Variants in PRKX observed in about 807,000 individuals in gnomAD.
PRKX encodes the protein cAMP-dependent protein kinase catalytic subunit PRKX.
Under a neutral mutation model 22.0 loss-of-function variants are expected in PRKX, and 12 were observed. That is an observed-to-expected ratio of 0.54 (90% confidence interval 0.35 to 0.88). PRKX has a LOEUF of 0.88. Ranked by LOEUF, PRKX falls within the 40% of genes least tolerant of loss-of-function variation. PRKX has a pLI of 0.01. For synonymous variants in PRKX, 134 were observed against 137.7 expected (o/e 0.97, Z 0.19); for missense variants, 217 against 308.0 (o/e 0.70, Z 2.21).
At chrX:3,705,498 G>A (rs1569065794) in intron 1 of PRKX, among the ~76,000 whole-genome samples, 1 of 111,083 alleles carries the variant, frequency 9.0e-6, no homozygotes, top group East Asian at 2.9e-4. Flanking sequence ...AGGCCACCTG[G>A]AGAAACAGGC....
chrX:3,613,852 CTCA>C (rs1172873718), intron 7 of PRKX, among the ~76,000 whole-genome samples: 1 of 18,590 alleles, frequency 5.4e-5, no homozygotes, highest in Non-Finnish European at 8.2e-5. Context: ...GAGACTCCAT[CTCA>C]AAAAAAAAAA....
intron 1 of PRKX, among the ~76,000 whole-genome samples, chrX:3,698,738 G>A (rs375720020): frequency 2.0e-4 from 22 of 108,907 alleles, no homozygotes; most frequent in African/African-American, 7.0e-4. Flanking sequence ...ACAGATGCCC[G>A]CCACCACACA....
intron 6 of PRKX, among the ~76,000 whole-genome samples, chrX:3,618,761 C>CT (rs1327479760): frequency 1.1e-4 from 12 of 111,594 alleles, no homozygotes; most frequent in African/African-American, 3.9e-4. Context: ...GAAACTTGTT[C>CT]TTCCCCCTTG....
chrX:3,681,194 C>A (rs1222174325), intron 1 of PRKX, among the ~76,000 whole-genome samples: 1 of 111,738 alleles, frequency 8.9e-6, no homozygotes, highest in Non-Finnish European at 1.9e-5. Context: ...CCAGCCTGGG[C>A]AACATGGTGA....
chrX:3,618,080 AG>A (rs1488420825), intron 6 of PRKX, among the ~76,000 whole-genome samples: 6,194 of 102,677 alleles, frequency 0.06, 177 homozygotes, highest in Middle Eastern at 0.11. Context: ...AGAGAGAGAG[AG>A]AGAGAAATAA....
intron 1 of PRKX, among the ~76,000 whole-genome samples, chrX:3,695,839 CA>C (rs1440296871): frequency 1.8e-5 from 2 of 111,817 alleles, no homozygotes; most frequent in African/African-American, 6.5e-5. Context: ...AAGAATGACA[CA>C]TCAGAAAGAG....
chrX:3,647,226 A>C (rs1388087979), intron 3 of PRKX, among the ~76,000 whole-genome samples: 1 of 108,020 alleles, frequency 9.3e-6, no homozygotes, highest in Non-Finnish European at 1.9e-5. Flanking sequence ...ATATTTATAA[A>C]ATTATATATA....
chrX:3,674,572 G>C (rs1451927858), intron 2 of PRKX, 26 bp downstream of exon 2: 1 of 1,207,438 alleles, frequency 8.3e-7, no homozygotes. Flanking sequence ...AGAGTGCGTG[G>C]GGAGAGGCTT....
chrX:3,640,275 G>A (rs371737759), intron 4 of PRKX, among the ~76,000 whole-genome samples: 4 of 110,333 alleles, frequency 3.6e-5, no homozygotes, highest in African/African-American at 1.3e-4. Context: ...CTGGGCCCTC[G>A]CTGGCTGGGC....
rs770166985 is a variant in PRKX at position 3,689,697 on chromosome X, G to T, written c.167-14931C>A. Among the ~76,000 whole-genome samples the T allele has an allele frequency of 2.0e-4, 22 of 111,620 alleles. 2 individuals carry two copies. The highest frequency in any genetic ancestry group is 1.7e-3 in the Admixed American group (18 of 10,482). Reference sequence around the variant, plus strand: ...TCTGTCTCAAAAAATGAATGAATGGGCTGGGCGCGGTGGCTCACACCTGTA... The same window carrying T: ...TCTGTCTCAAAAAATGAATGAATGGTCTGGGCGCGGTGGCTCACACCTGTA... On this transcript the variant is annotated intron_variant, in intron 1 of 8. Coordinates refer to ENST00000262848, the MANE Select transcript of PRKX (RefSeq NM_005044.5).
At chrX:3,650,647 G>A (rs994018298) in intron 3 of PRKX, among the ~76,000 whole-genome samples, 6 of 110,010 alleles carry the variant, frequency 5.5e-5, no homozygotes, top group South Asian at 3.9e-4. Context: ...GGAAGGTCGC[G>A]GCAGGTGGAT....
chrX:3,685,163 G>A (rs918894216), intron 1 of PRKX, among the ~76,000 whole-genome samples: 2 of 106,592 alleles, frequency 1.9e-5, no homozygotes, highest in African/African-American at 7.3e-5. Context: ...TCCTTCCTGA[G>A]GATAAACCCA....
At chrX:3,628,243 T>C (rs113397826) in intron 4 of PRKX, among the ~76,000 whole-genome samples, 15 of 110,735 alleles carry the variant, frequency 1.4e-4, no homozygotes, top group African/African-American at 4.9e-4. Flanking sequence ...TACTAGACGC[T>C]GGGAAGGGAA....
At chrX:3,640,616 C>A (rs1346173841) in intron 4 of PRKX, among the ~76,000 whole-genome samples, 1 of 111,663 alleles carries the variant, frequency 9.0e-6, no homozygotes, top group Admixed American at 9.6e-5. Context: ...TCCTGACTTC[C>A]AAATCTCACC....
At chrX:3,620,938 AAAAAT>A (rs757884938) in intron 6 of PRKX, among the ~76,000 whole-genome samples, 27 of 111,716 alleles carry the variant, frequency 2.4e-4, no homozygotes, top group South Asian at 1.1e-3. Context: ...AAACTGTTTA[AAAAAT>A]AAAATAAATA....
chrX:3,648,605 CCTGTGTGTGT>C (rs1220806656), intron 3 of PRKX, among the ~76,000 whole-genome samples: 5 of 46,168 alleles, frequency 1.1e-4, no homozygotes, highest in Non-Finnish European at 1.5e-4. Flanking sequence ...TCTCTCTACT[CCTGTGTGTGT>C]GTGTGTGTGT....
chrX:3,668,101 T>C (rs1927773380), intron 2 of PRKX: 2 of 111,289 alleles, frequency 1.8e-5, no homozygotes, highest in South Asian at 7.6e-4. Context: ...TACAGTTGCA[T>C]TCTCTTGCAA....
chrX:3,638,815 G>A (rs767656786), intron 4 of PRKX, among the ~76,000 whole-genome samples: 2 of 108,520 alleles, frequency 1.8e-5, no homozygotes, highest in African/African-American at 3.4e-5. Flanking sequence ...TGGATAGGTA[G>A]GGAGGTAAAC....
At chrX:3,682,340 G>A (rs1376769722) in intron 1 of PRKX, among the ~76,000 whole-genome samples, 1 of 110,709 alleles carries the variant, frequency 9.0e-6, no homozygotes, top group Non-Finnish European at 1.9e-5. Context: ...TGCATTGAAT[G>A]GGGTGCCCTG....
Sources: gnomAD v4.1 joint callset for allele counts (sites outside exome capture counted in the v4.1 genomes callset) on GRCh38, gnomAD v4.1.1 for gene constraint, MANE v1.5 for transcripts, NCBI Gene and HGNC (gene_info 2026-07-23, HGNC 2026-07-21) for gene names.